SLC44A1: variants seen among roughly 807,000 people sequenced by gnomAD.
The protein encoded by SLC44A1 is solute carrier family 44 member 1, also known as choline transporter-like protein 1.
Under a neutral mutation model 79.3 loss-of-function variants are expected in SLC44A1, and 26 were observed. The observed-to-expected ratio is 0.33, with a 90% CI of 0.24 to 0.46. The LOEUF (loss-of-function observed/expected upper bound fraction) is 0.46. SLC44A1 is among the 20% of genes least tolerant of loss of function. The pLI, the probability that SLC44A1 is intolerant of heterozygous loss-of-function variation, is 1.00. For missense variants in SLC44A1, 688 were observed against 798.1 expected (o/e 0.86, Z 1.66); for synonymous variants, 263 against 286.2 (o/e 0.92, Z 0.82).
intron 2 of SLC44A1, 25 bp from the exon 3 acceptor site, chr9:105,309,699 A>G (rs761109444): frequency 6.2e-7 from 1 of 1,611,066 alleles, no homozygotes; most frequent in Non-Finnish European, 8.5e-7. Flanking sequence ...GTTTATTTGT[A>G]TGTTTTTTTC....
intron 2 of SLC44A1, among the ~76,000 whole-genome samples, chr9:105,300,883 C>T (rs761696739): frequency 2.0e-5 from 3 of 151,246 alleles, no homozygotes; most frequent in Non-Finnish European, 4.4e-5. Flanking sequence ...TCAAGTGATT[C>T]TCCTTACACA....
At chr9:105,256,886 C>G (rs943840184) in intron 1 of SLC44A1, among the ~76,000 whole-genome samples, 1 of 151,668 alleles carries the variant, frequency 6.6e-6, no homozygotes, top group African/African-American at 2.4e-5. Context: ...CTCCCAGGTT[C>G]AAGCATTCTC....
intron 1 of SLC44A1, among the ~76,000 whole-genome samples, chr9:105,268,702 G>A (rs1187174036): frequency 6.6e-6 from 1 of 152,084 alleles, no homozygotes; most frequent in Non-Finnish European, 1.5e-5. Context: ...GTTTCACCAA[G>A]TTAATCAGGC....
chr9:105,299,202 T>C lies in SLC44A1; in HGVS notation c.37-18T>C, dbSNP rs369120825. On this transcript the variant is annotated intron_variant, in intron 1 of 15. Coordinates refer to ENST00000374720, the MANE Select transcript of SLC44A1 (RefSeq NM_080546.5). ...AAACTTAGCATTTAACACTCTCTTA[T>C]TTTGTATTTCCAATTAGAGCTCCAA... 9 of 1,571,532 alleles carry C rather than the reference T, an allele frequency of 5.7e-6. No homozygotes were observed. The African/African-American group carries it at 1.2e-4, about 22-fold the overall frequency.
In SLC44A1 at chr9:105,395,970, C is replaced by A; in HGVS notation, c.*6914C>A. ...GACAATAATAGGATAGCTTTGGGGG[C>A]TGGTGATTTGAAACAGGGACTATTA... On this transcript the variant is annotated 3_prime_UTR_variant, in exon 16 of 16. Coordinates refer to ENST00000374720, the MANE Select transcript of SLC44A1 (RefSeq NM_080546.5). 1.0e-6 allele frequency: 1 copy of A among 982,382 alleles called. No homozygotes were observed. Among genetic ancestry groups the A allele is most frequent in the Non-Finnish European group, 1.2e-6 (1 of 828,970 alleles). The allele number at this position is 982,382 out of a possible 1,614,324, so 60.9% of individuals were successfully genotyped here. A position where few individuals can be genotyped will look rare whatever the true frequency, so the allele number is the denominator to read the frequency against.
chr9:105,356,029 T>C (rs1827611672), intron 5 of SLC44A1, 183 bp from the exon 6 acceptor site: 2 of 585,634 alleles, frequency 3.4e-6, no homozygotes, highest in Admixed American at 6.4e-5. Context: ...TGTGGTAAGA[T>C]TTGCATCACT....
At chr9:105,264,457 G>T (rs1010879623) in intron 1 of SLC44A1, among the ~76,000 whole-genome samples, 3 of 152,086 alleles carry the variant, frequency 2.0e-5, no homozygotes, top group Non-Finnish European at 2.9e-5. Flanking sequence ...GTGAGCCCTC[G>T]CACCCTGCCT....
At chr9:105,253,211 A>C (rs1022409861) in intron 1 of SLC44A1, among the ~76,000 whole-genome samples, 4 of 152,244 alleles carry the variant, frequency 2.6e-5, no homozygotes, top group Non-Finnish European at 5.9e-5. Flanking sequence ...GAAATGCTGA[A>C]AATTATTAAA....
intron 15 of SLC44A1, among the ~76,000 whole-genome samples, chr9:105,422,314 G>C (rs532041115): frequency 8.7e-6 from 1 of 114,424 alleles, no homozygotes; most frequent in East Asian, 3.1e-4. Context: ...TTTTGAGACA[G>C]AGTCTTACTC....
At chr9:105,323,241 AAATT>A (rs1428557340) in intron 3 of SLC44A1, among the ~76,000 whole-genome samples, 2 of 151,360 alleles carry the variant, frequency 1.3e-5, no homozygotes, top group African/African-American at 4.9e-5. Context: ...AAAAAGAAAG[AAATT>A]AAATAATACC....
chr9:105,364,762 G>A, intron 10 of SLC44A1, 42 bp downstream of exon 10: 1 of 1,542,570 alleles, frequency 6.5e-7, no homozygotes, highest in Non-Finnish European at 8.9e-7. Flanking sequence ...TTCATCTAAG[G>A]GATGGTGTCC....
intron 1 of SLC44A1, among the ~76,000 whole-genome samples, chr9:105,284,088 C>G (rs573793322): frequency 6.6e-6 from 1 of 152,304 alleles, no homozygotes; most frequent in Non-Finnish European, 1.5e-5. Context: ...TTTGGAAGGA[C>G]AGTATCAAGG....
At chr9:105,330,767 C>A (rs1826725817) in intron 3 of SLC44A1, among the ~76,000 whole-genome samples, 1 of 152,118 alleles carries the variant, frequency 6.6e-6, no homozygotes, top group Admixed American at 6.6e-5. Flanking sequence ...AAAAATAAAC[C>A]TTTTCCTCTT....
At chr9:105,381,625 GA>G (rs913162999) in intron 13 of SLC44A1, among the ~76,000 whole-genome samples, 68 of 150,000 alleles carry the variant, frequency 4.5e-4, no homozygotes, top group South Asian at 2.1e-3. Context: ...AAATGAGAAA[GA>G]AAAAAAATGG....
chr9:105,279,314 A>G (rs1186571396), intron 1 of SLC44A1, among the ~76,000 whole-genome samples: 2 of 151,542 alleles, frequency 1.3e-5, no homozygotes, highest in East Asian at 4.0e-4. Context: ...TAGGAAAAGA[A>G]AACTTTTTTT....
chr9:105,412,187 G>A (rs989096657), intron 15 of SLC44A1, among the ~76,000 whole-genome samples: 8 of 151,934 alleles, frequency 5.3e-5, no homozygotes, highest in Admixed American at 3.9e-4. Context: ...GTTAAATAAC[G>A]TTTTAATTAG....
chr9:105,315,680 C>T (rs1187613470), intron 3 of SLC44A1, among the ~76,000 whole-genome samples: 1 of 152,130 alleles, frequency 6.6e-6, no homozygotes, highest in Non-Finnish European at 1.5e-5. Context: ...AAACATGCCT[C>T]TTTTGAAGAC....
chr9:105,354,341 C>T (rs987290300), intron 5 of SLC44A1, among the ~76,000 whole-genome samples: 11 of 152,180 alleles, frequency 7.2e-5, no homozygotes, highest in South Asian at 4.1e-4. Context: ...TGAGCCACCG[C>T]GCCCGGCCAG....
At chr9:105,299,546 G>C (rs1344837316) in intron 2 of SLC44A1, among the ~76,000 whole-genome samples, 1 of 152,234 alleles carries the variant, frequency 6.6e-6, no homozygotes, top group Non-Finnish European at 1.5e-5. Context: ...GTAAGTCTCT[G>C]AATGTTGATC....
Sources: allele counts gnomAD v4.1 joint callset (sites outside exome capture counted in the v4.1 genomes callset), GRCh38; gene constraint gnomAD v4.1.1; transcripts MANE v1.5; gene names NCBI Gene and HGNC (gene_info 2026-07-23, HGNC 2026-07-21).